ZNF665: variants seen among roughly 807,000 people sequenced by gnomAD.
ZNF665 encodes the protein zinc finger protein 665.
In ZNF665, 6 loss-of-function variants were observed where a neutral mutation model predicts 7.9. The ratio of observed to expected loss-of-function variants is 0.76; its 90% CI spans 0.42 to 1.50. The LOEUF is 1.50. Among genes scored for constraint, ZNF665 ranks in the 40% most tolerant of loss-of-function variants. ZNF665 has a pLI of 0.01. For synonymous variants in ZNF665, 242 were observed against 274.5 expected (o/e 0.88, Z 1.17); for missense variants, 819 against 806.7 (o/e 1.02, Z -0.18).
At chr19:53,172,432 C>A (rs886808942) in intron 3 of ZNF665, among the ~76,000 whole-genome samples, 3 of 152,178 alleles carry the variant, frequency 2.0e-5, no homozygotes, top group Non-Finnish European at 2.9e-5. Flanking sequence ...TAACACATAT[C>A]TTTTGTCCTC....
Position 53,166,313 on chromosome 19 carries a change from T to G in ZNF665, c.177A>C (p.Pro59=). Residue 59 remains proline (P), a synonymous_variant, in exon 4 of 4, where the codon CCA becomes CCC. Coordinates refer to ENST00000396424, the MANE Select transcript of ZNF665 (RefSeq NM_024733.5). Reference sequence around the variant, plus strand: ...CTCCCATATTGTTCTTCCCCTTTGGTGGCAAATCCGTGTTTACACATTTAC... The same window carrying G: ...CTCCCATATTGTTCTTCCCCTTTGGGGGCAAATCCGTGTTTACACATTTAC... ...ISCKCVNTDL[P]PKGKNNMGEA... 2 of 1,594,138 alleles carry G rather than the reference T, an allele frequency of 1.3e-6. No homozygotes were observed. Among genetic ancestry groups the G allele is most frequent in the Non-Finnish European group, 1.7e-6 (2 of 1,171,740 alleles).
chr19:53,184,543 C>A (rs2090762327), intron 1 of ZNF665, among the ~76,000 whole-genome samples: 1 of 152,018 alleles, frequency 6.6e-6, no homozygotes, highest in Non-Finnish European at 1.5e-5. Context: ...TTCCAGTGTT[C>A]AAGGGAGAAG....
At chr19:53,192,873 G>A (rs1224981336) in intron 1 of ZNF665, among the ~76,000 whole-genome samples, 1 of 152,104 alleles carries the variant, frequency 6.6e-6, no homozygotes, top group Non-Finnish European at 1.5e-5. Flanking sequence ...GGAGGTGGGG[G>A]GCGACGGCGC....
intron 2 of ZNF665, among the ~76,000 whole-genome samples, chr19:53,177,834 A>G (rs1233239759): frequency 6.6e-6 from 1 of 152,238 alleles, no homozygotes; most frequent in Non-Finnish European, 1.5e-5. Context: ...ACAACACTGT[A>G]GCCCATGAGA....
chr19:53,189,131 C>T (rs1019849723), intron 1 of ZNF665, among the ~76,000 whole-genome samples: 1 of 150,690 alleles, frequency 6.6e-6, no homozygotes, highest in Non-Finnish European at 1.5e-5. Flanking sequence ...CAAAATAATT[C>T]CCTTGAAGTA....
At chr19:53,169,831 A>G (rs1195119913) in intron 3 of ZNF665, among the ~76,000 whole-genome samples, 1 of 146,984 alleles carries the variant, frequency 6.8e-6, no homozygotes, top group East Asian at 2.0e-4. Context: ...ATGATTTCCA[A>G]TTTCATCCAT....
chr19:53,171,524 A>ATATATATATATATATAT (rs372855271), intron 3 of ZNF665, among the ~76,000 whole-genome samples: 124 of 69,296 alleles, frequency 1.8e-3, no homozygotes, highest in Non-Finnish European at 2.9e-3. Context: ...ATATATATAT[A>ATATATATATATATATAT]TTTTTTTTTT....
Position 53,165,444 on chromosome 19 carries a change from T to C in ZNF665, c.1046A>G (p.Asn349Ser), listed in dbSNP as rs45499997. Reference protein sequence around the residue: ...IHTGEKPYKCNECGKVFRHNS... With the variant: ...IHTGEKPYKCSECGKVFRHNS... ...GTGCCTGAAGACCTTGCCACATTCA[T>C]TACATTTGTAAGGTTTTTCTCCAGT... Residue 349 changes from asparagine to serine, a missense_variant, in exon 4 of 4, where the codon AAT (asparagine) becomes AGT (serine). By Grantham distance (46) the Asn-to-Ser change is conservative (BLOSUM62 1). Coordinates refer to ENST00000396424, the MANE Select transcript of ZNF665 (RefSeq NM_024733.5). The C allele has an allele frequency of 0.065, 105,442 of 1,613,942 alleles. 4,341 individuals are homozygous for C. Among genetic ancestry groups the C allele is most frequent in the Admixed American group, 0.15 (9,200 of 60,000 alleles).
intron 1 of ZNF665, among the ~76,000 whole-genome samples, chr19:53,190,560 C>T (rs922683838): frequency 6.6e-6 from 1 of 152,234 alleles, no homozygotes; most frequent in African/African-American, 2.4e-5. Flanking sequence ...CAGATAAATA[C>T]CGTGATTCTC....
chr19:53,175,518 T>G lies in ZNF665; in HGVS notation c.69A>C (p.Thr23=). 6.2e-7 allele frequency: 1 copy of G among 1,611,994 alleles called. No individual in the cohort carries two copies. The highest frequency in any genetic ancestry group is 1.3e-5 in the African/African-American group (1 of 74,894). ...VAIEFSQEEW[T]CLDPAQKTLY... ...AAGTCTTCTGAGCAGGGTCCAGGCATGTCCACTCCTCCTGAGAGAATTCTA... is the reference window on the plus strand; with the variant it reads ...AAGTCTTCTGAGCAGGGTCCAGGCAGGTCCACTCCTCCTGAGAGAATTCTA... Residue 23 remains threonine (T), a synonymous_variant, in exon 3 of 4, where the codon ACA becomes ACC. Coordinates refer to ENST00000396424, the MANE Select transcript of ZNF665 (RefSeq NM_024733.5).
rs371058915 is a variant in ZNF665 at position 53,172,782 on chromosome 19, G to A, written c.142+2663C>T. Among the ~76,000 whole-genome samples the A allele has an allele frequency of 6.0e-5, 8 of 133,990 alleles. No homozygotes were observed. In the East Asian group the frequency reaches 1.3e-3, roughly 22 times the overall value. 87.9% of individuals were successfully genotyped at this position (133,990 alleles called of 152,430 possible). ...GGAGATTGCAGTGAGCCAAGATCAC[G>A]CCACTGCACTCCAGCCTGGGTGACA... is the stretch of plus-strand genomic sequence containing the variant. On this transcript the variant is annotated intron_variant, in intron 3 of 3. Coordinates refer to ENST00000396424, the MANE Select transcript of ZNF665 (RefSeq NM_024733.5).
Position 53,171,504 on chromosome 19 carries a change from G to GTATA in ZNF665, c.142+3937_142+3940dup, listed in dbSNP as rs1555804176. ...TCTTTACATTTGTGTGTGTGTGTGT[G>GTATA]TATATATATATATATATATATTTTT... On this transcript the variant is annotated intron_variant, in intron 3 of 3. Transcript: ENST00000396424. 2.6e-3 allele frequency among the ~76,000 whole-genome samples: 150 copies of GTATA among 57,766 alleles called. 1 individual carries two copies. Among genetic ancestry groups the GTATA allele is most frequent in the South Asian group, 7.2e-3 (5 of 694 alleles). 37.9% of individuals were successfully genotyped at this position (57,766 alleles called of 152,430 possible).
rs781731850 is a variant in ZNF665 at position 53,166,309 on chromosome 19, T to C, written c.181A>G (p.Lys61Glu). The C allele has an allele frequency of 3.8e-6, 6 of 1,595,370 alleles. No homozygotes were observed. The South Asian group carries it at 5.7e-5, about 15-fold the overall frequency. The change falls in exon 4 of 4, where the codon AAG becomes GAG. Residue 61 changes from lysine (K) to glutamate (E), a missense_variant. Transcript: ENST00000396424. ...GCTTCTCCCATATTGTTCTTCCCCT[T>C]TGGTGGCAAATCCGTGTTTACACAT... Reference protein sequence around the residue: ...CKCVNTDLPPKGKNNMGEAFY... With the variant: ...CKCVNTDLPPEGKNNMGEAFY...
chr19:53,173,371 T>TG (rs2090672912), intron 3 of ZNF665, among the ~76,000 whole-genome samples: 4 of 112,624 alleles, frequency 3.6e-5, no homozygotes, highest in African/African-American at 6.8e-5. Flanking sequence ...TTTTTTTCAC[T>TG]CTTTTTTTTT....
intron 3 of ZNF665, among the ~76,000 whole-genome samples, chr19:53,174,279 A>G (rs2090679944): frequency 6.6e-6 from 1 of 152,176 alleles, no homozygotes; most frequent in Non-Finnish European, 1.5e-5. Context: ...CCAGTAACAG[A>G]CGGTTGTAGA....
At chr19:53,175,683 G>T in intron 2 of ZNF665, 112 bp from the exon 3 acceptor site, 1 of 1,205,348 alleles carries the variant, frequency 8.3e-7, no homozygotes, top group South Asian at 1.5e-5. Context: ...TAAGCAGACT[G>T]ACACATCCAG....
Position 53,165,486 on chromosome 19 carries a change from G to A in ZNF665, c.1004C>T (p.Thr335Ile), listed in dbSNP as rs1278983252. Residue 335 changes from threonine (T) to isoleucine (I), a missense_variant, in exon 4 of 4, where the codon ACC (threonine) becomes ATC (isoleucine). Transcript: ENST00000396424. The part of the protein sequence containing the change: ...KAFSVRSSLT[T>I]HQTIHTGEKP... ...TTCTCCAGTGTGGATTGTCTGATGG[G>A]TAGTCAGGCTTGAGCGAACACTAAA... 3.7e-6 allele frequency: 6 copies of A among 1,612,598 alleles called. No individual in the cohort carries two copies. Among genetic ancestry groups the A allele is most frequent in the Non-Finnish European group, 5.1e-6 (6 of 1,179,572 alleles).
intron 2 of ZNF665, among the ~76,000 whole-genome samples, chr19:53,178,915 A>G (rs2090717025): frequency 6.6e-6 from 1 of 152,244 alleles, no homozygotes; most frequent in African/African-American, 2.4e-5. Flanking sequence ...TCAAAGAACT[A>G]CACAGGAGCC....
At chr19:53,175,367 G>T in intron 3 of ZNF665, 78 bp downstream of exon 3, 1 of 1,535,802 alleles carries the variant, frequency 6.5e-7, no homozygotes, top group Non-Finnish European at 8.8e-7. Context: ...CAATGCAGGG[G>T]CTCTCAAGAG....
Sources: allele counts gnomAD v4.1 joint callset (sites outside exome capture counted in the v4.1 genomes callset), GRCh38; gene constraint gnomAD v4.1.1; transcripts MANE v1.5; gene names NCBI Gene and HGNC (gene_info 2026-07-23, HGNC 2026-07-21).